The following DSTYK variants were observed in gnomAD, a reference collection of about 807,000 sequenced individuals.
The protein encoded by DSTYK is RIP-homologous kinase.
DSTYK carries 34 observed loss-of-function variants against 98.7 expected under a neutral mutation model. The observed-to-expected ratio is 0.34, with a 90% confidence interval of 0.26 to 0.46. The LOEUF is 0.46. DSTYK is among the 20% of genes least tolerant of loss of function. The pLI is 1.00. For synonymous variants in DSTYK, 462 were observed against 457.3 expected (o/e 1.01, Z -0.13); for missense variants, 962 against 1,181.7 (o/e 0.81, Z 2.73).
At chr1:205,170,880 G>A (rs532378942) in intron 2 of DSTYK, among the ~76,000 whole-genome samples, 6 of 152,066 alleles carry the variant, frequency 3.9e-5, no homozygotes, top group African/African-American at 9.6e-5. Flanking sequence ...GAACAGCAGC[G>A]ATCACTCAGC....
chr1:205,148,182 A>G, intron 12 of DSTYK, 23 bp downstream of exon 12: 2 of 1,613,924 alleles, frequency 1.2e-6, no homozygotes, highest in Non-Finnish European at 8.5e-7. Context: ...GAGTTAGGAC[A>G]AGGTAGTACT....
chr1:205,153,898 G>A (rs905686341), intron 10 of DSTYK, among the ~76,000 whole-genome samples: 2 of 140,424 alleles, frequency 1.4e-5, no homozygotes, highest in African/African-American at 5.3e-5. Context: ...ATTTTCGGTA[G>A]AGACAGGGTT....
chr1:205,175,283 AG>A (rs891739576), intron 2 of DSTYK, among the ~76,000 whole-genome samples: 40 of 151,484 alleles, frequency 2.6e-4, no homozygotes, highest in African/African-American at 8.7e-4. Flanking sequence ...TAGTGGAGTC[AG>A]GGTTTCACCA....
At chr1:205,208,018 C>T (rs1407623282) in intron 1 of DSTYK, among the ~76,000 whole-genome samples, 1 of 151,880 alleles carries the variant, frequency 6.6e-6, no homozygotes, top group African/African-American at 2.4e-5. Flanking sequence ...GCTGGGATTA[C>T]AGGCATGTGC....
At chr1:205,192,884 G>A (rs1302021729) in intron 1 of DSTYK, among the ~76,000 whole-genome samples, 3 of 152,100 alleles carry the variant, frequency 2.0e-5, no homozygotes, top group Admixed American at 6.6e-5. Flanking sequence ...ACAAGAAACA[G>A]CTCAGGTTTC....
At chr1:205,197,148 A>AG (rs2102468329) in intron 1 of DSTYK, among the ~76,000 whole-genome samples, 1 of 152,248 alleles carries the variant, frequency 6.6e-6, no homozygotes, top group East Asian at 1.9e-4. Flanking sequence ...GAAAAAAAAA[A>AG]AAAGGAGACA....
At chr1:205,163,540 A>G (rs932438903) in intron 4 of DSTYK, among the ~76,000 whole-genome samples, 183 bp downstream of exon 4, 1 of 152,180 alleles carries the variant, frequency 6.6e-6, no homozygotes, top group African/African-American at 2.4e-5. Flanking sequence ...ACTTAACTGC[A>G]GTTTTACAGC....
chr1:205,188,308 A>G (rs924625558), intron 1 of DSTYK, among the ~76,000 whole-genome samples: 3 of 152,222 alleles, frequency 2.0e-5, no homozygotes, highest in Admixed American at 6.5e-5. Flanking sequence ...ACAGGCATAC[A>G]TTCTGAGAAA....
In DSTYK at chr1:205,162,101, T is replaced by C. The variant is rs747605096; in HGVS notation, c.1753A>G (p.Ile585Val). The C allele has an allele frequency of 5.0e-6, 8 of 1,614,024 alleles. No homozygotes were observed. Among genetic ancestry groups the C allele is most frequent in the Non-Finnish European group, 6.8e-6 (8 of 1,180,022 alleles). Residue 585 changes from isoleucine to valine, a missense_variant, in exon 6 of 13, where the codon ATT becomes GTT. By Grantham distance (29) the Ile-to-Val change is conservative. Coordinates refer to ENST00000367162, the MANE Select transcript of DSTYK (RefSeq NM_015375.3). ...SLSASKLAKS[I>V]CSQFRTRLNS... Reference sequence around the variant, plus strand: ...AGCCGAGTCCGGAATTGGCTGCAAATGCTCTTAGCCAATTTGGAGGCGCTG... The same window carrying C: ...AGCCGAGTCCGGAATTGGCTGCAAACGCTCTTAGCCAATTTGGAGGCGCTG...
Position 205,153,834 on chromosome 1 carries a change from G to T in DSTYK, c.2353-3040C>A, listed in dbSNP as rs142676176. 7.7e-3 allele frequency among the ~76,000 whole-genome samples: 1,169 copies of T among 151,190 alleles called. 8 individuals carry two copies. Among genetic ancestry groups the T allele is most frequent in the Middle Eastern group, 0.014 (4 of 290 alleles). On this transcript the variant is annotated intron_variant, in intron 10 of 12. Coordinates refer to ENST00000367162, the MANE Select transcript of DSTYK (RefSeq NM_015375.3). The stretch of plus-strand genomic sequence containing the variant: ...TTCTCCTGCCTCAGCCTCCTAAGTA[G>T]CTGGGACTACAGGCATGCACACGCC...
At chr1:205,151,729 T>C (rs2102381099) in intron 10 of DSTYK, among the ~76,000 whole-genome samples, 1 of 151,770 alleles carries the variant, frequency 6.6e-6, no homozygotes, top group Non-Finnish European at 1.5e-5. Flanking sequence ...ACTTTTTTGT[T>C]AAGAACTAAA....
At chr1:205,148,903 G>GTT (rs201437284) in intron 11 of DSTYK, among the ~76,000 whole-genome samples, 22 of 135,744 alleles carry the variant, frequency 1.6e-4, no homozygotes, top group African/African-American at 3.2e-4. Flanking sequence ...ATTAGAAAGT[G>GTT]TTTTTTTTTT....
chr1:205,176,788 C>T (rs1248083403), intron 2 of DSTYK, among the ~76,000 whole-genome samples: 2 of 152,058 alleles, frequency 1.3e-5, no homozygotes, highest in Non-Finnish European at 2.9e-5. Context: ...CAATCACTGA[C>T]GAAGGCTGAC....
At chr1:205,209,104 CA>C (rs1659289523) in intron 1 of DSTYK, among the ~76,000 whole-genome samples, 1 of 152,108 alleles carries the variant, frequency 6.6e-6, no homozygotes, top group Non-Finnish European at 1.5e-5. Context: ...AAGTGAAATG[CA>C]AAGGTATATT....
At chr1:205,152,079 T>C (rs1657420889) in intron 10 of DSTYK, among the ~76,000 whole-genome samples, 1 of 152,254 alleles carries the variant, frequency 6.6e-6, no homozygotes, top group Admixed American at 6.5e-5. Context: ...TCAGTAGGTT[T>C]ACACGAGCAT....
chr1:205,199,929 A>G (rs969761937), intron 1 of DSTYK, among the ~76,000 whole-genome samples: 1 of 152,246 alleles, frequency 6.6e-6, no homozygotes, highest in Non-Finnish European at 1.5e-5. Context: ...ATCTTCATAA[A>G]TGCATTCTGC....
In DSTYK at chr1:205,211,602, C is replaced by T; in HGVS notation, c.-67G>A. Reference sequence around the variant, plus strand: ...CAGGCCCGGCCTCCCTCCTCCCCGCCCCCCAGTGCCGAAGGGAGGAGGAAT... The same window carrying T: ...CAGGCCCGGCCTCCCTCCTCCCCGCTCCCCAGTGCCGAAGGGAGGAGGAAT... On this transcript the variant is annotated 5_prime_UTR_variant, in exon 1 of 13. Transcript: ENST00000367162. The T allele has an allele frequency of 3.6e-6, 5 of 1,406,770 alleles. No homozygotes were observed. Among genetic ancestry groups the T allele is most frequent in the Non-Finnish European group, 4.6e-6 (5 of 1,088,628 alleles). The allele number at this position is 1,406,770 out of a possible 1,614,324, so 87.1% of individuals were successfully genotyped here.
chr1:205,154,790 T>C (rs1280528198), intron 10 of DSTYK, among the ~76,000 whole-genome samples: 3 of 152,114 alleles, frequency 2.0e-5, no homozygotes, highest in African/African-American at 7.2e-5. Context: ...AAAATGCTGA[T>C]AGTGATATGG....
Position 205,169,844 on chromosome 1 carries a change from A to AG in DSTYK, c.655-13dup. On this transcript the variant is annotated splice_polypyrimidine_tract_variant and intron_variant, in intron 2 of 12. Transcript: ENST00000367162. This position sits in a 1 kb window ranked among gnomAD's most constrained non-coding sequence, Gnocchi z 4.0. Reference sequence around the variant, plus strand: ...ACAACGTCCACTTCCTGGAAGGGGAAGGGGGTCATATATCAGCGCCTCAGG... The same window carrying AG: ...ACAACGTCCACTTCCTGGAAGGGGAAGGGGGGTCATATATCAGCGCCTCAGG... 1 of 1,602,190 alleles carries AG rather than the reference A, an allele frequency of 6.2e-7. No individual in the cohort carries two copies. Among genetic ancestry groups the AG allele is most frequent in the Non-Finnish European group, 8.5e-7 (1 of 1,174,680 alleles).
Sources: allele counts gnomAD v4.1 joint callset (sites outside exome capture counted in the v4.1 genomes callset), GRCh38; gene constraint gnomAD v4.1.1; non-coding constraint Gnocchi (gnomAD v3.1); transcripts MANE v1.5; gene names NCBI Gene and HGNC (gene_info 2026-07-23, HGNC 2026-07-21).